Variants in MYRIP observed in about 807,000 individuals in gnomAD.
MYRIP encodes rab effector MyRIP.
Under a neutral mutation model 98.0 loss-of-function variants are expected in MYRIP, and 49 were observed. That is an observed-to-expected ratio of 0.50 (90% confidence interval 0.40 to 0.63). The LOEUF is 0.63. MYRIP is among the 30% of genes least tolerant of loss of function. MYRIP has a pLI of 0.00. For synonymous variants in MYRIP, 404 were observed against 409.5 expected (o/e 0.99, Z 0.16); for missense variants, 1,004 against 1,058.2 (o/e 0.95, Z 0.71).
intron 12 of MYRIP, among the ~76,000 whole-genome samples, chr3:40,235,094 A>G (rs888093260): frequency 1.3e-5 from 2 of 152,070 alleles, no homozygotes; most frequent in African/African-American, 4.8e-5. Context: ...GAAGCCCACT[A>G]TCTGTCTTCT....
At chr3:40,066,435 T>A (rs952837605) in intron 3 of MYRIP, among the ~76,000 whole-genome samples, 2 of 152,184 alleles carry the variant, frequency 1.3e-5, no homozygotes, top group East Asian at 3.9e-4. Context: ...TCCCCACTCC[T>A]GTTCAGAGGG....
At chr3:40,167,821 A>C (rs565126190) in intron 7 of MYRIP, among the ~76,000 whole-genome samples, 1 of 152,278 alleles carries the variant, frequency 6.6e-6, no homozygotes, top group Admixed American at 6.5e-5. Context: ...TTACCGGTTT[A>C]ATATAAAGGG....
chr3:40,089,388 C>T (rs1287936061), intron 3 of MYRIP, among the ~76,000 whole-genome samples: 1 of 152,084 alleles, frequency 6.6e-6, no homozygotes, highest in Non-Finnish European at 1.5e-5. Context: ...CAATTTTGTA[C>T]CTGAAGAAAT....
chr3:39,935,634 A>C (rs1419917889), intron 2 of MYRIP, among the ~76,000 whole-genome samples: 1 of 152,186 alleles, frequency 6.6e-6, no homozygotes, highest in Non-Finnish European at 1.5e-5. Context: ...CAGTAGAAAC[A>C]TCATGAAAAT....
At chr3:40,008,997 G>A (rs1946695869) in intron 2 of MYRIP, among the ~76,000 whole-genome samples, 2 of 152,158 alleles carry the variant, frequency 1.3e-5, no homozygotes, top group Non-Finnish European at 2.9e-5. Context: ...CAGGCCTGAG[G>A]TTGAGGTGAC....
intron 11 of MYRIP, among the ~76,000 whole-genome samples, chr3:40,222,607 CT>C (rs1952369885): frequency 7.1e-6 from 1 of 141,380 alleles, no homozygotes; most frequent in Non-Finnish European, 1.5e-5. Context: ...GCAAACGTGT[CT>C]TCTGAAAGTG....
chr3:39,926,754 G>A (rs1011325949), intron 2 of MYRIP, among the ~76,000 whole-genome samples: 1 of 152,014 alleles, frequency 6.6e-6, no homozygotes, highest in South Asian at 2.1e-4. Context: ...TGTATAGTTC[G>A]AAATTGGGTA....
At chr3:39,944,797 A>C (rs1944861547) in intron 2 of MYRIP, among the ~76,000 whole-genome samples, 1 of 152,150 alleles carries the variant, frequency 6.6e-6, no homozygotes, top group Admixed American at 6.5e-5. Context: ...ACAACTGTAT[A>C]TACAATCGCA....
chr3:40,056,208 G>A (rs113292329), intron 3 of MYRIP, among the ~76,000 whole-genome samples: 1,969 of 152,224 alleles, frequency 0.013, 44 homozygotes, highest in African/African-American at 0.044. Flanking sequence ...GCTAGTTAGG[G>A]CAAGGGGATA....
In MYRIP at chr3:40,018,876, A is replaced by G. The variant is rs200416618; in HGVS notation, c.111-25174A>G. On this transcript the variant is annotated intron_variant, in intron 2 of 16. Transcript: ENST00000302541. ...TCCCAAATAATAATACACCTCACCT[A>G]TCTAACAGCCCATACCAGAAACCCC... 4.6e-5 allele frequency among the ~76,000 whole-genome samples: 7 copies of G among 152,140 alleles called. No homozygotes were observed. The East Asian group carries it at 1.2e-3, about 25-fold the overall frequency.
intron 2 of MYRIP, among the ~76,000 whole-genome samples, chr3:40,024,087 A>C (rs1036420247): frequency 6.6e-6 from 1 of 152,322 alleles, no homozygotes; most frequent in South Asian, 2.1e-4. Context: ...TGTCAAGGAC[A>C]TGTGGAACCT....
At chr3:40,075,994 G>C (rs190008099) in intron 3 of MYRIP, among the ~76,000 whole-genome samples, 1 of 152,114 alleles carries the variant, frequency 6.6e-6, no homozygotes, top group Non-Finnish European at 1.5e-5. Context: ...CCAGGAGTTC[G>C]AGACCAGCCT....
intron 2 of MYRIP, among the ~76,000 whole-genome samples, chr3:39,940,514 A>G (rs1598995): frequency 0.21 from 31,663 of 151,990 alleles, 5,084 homozygotes; most frequent in African/African-American, 0.45. Flanking sequence ...TAATGAGAGT[A>G]TGTTCTTAGC....
chr3:39,810,064 AC>A (rs1940617322), intron 1 of MYRIP, 148 bp downstream of exon 1: 1 of 152,290 alleles, frequency 6.6e-6, no homozygotes, highest in African/African-American at 2.4e-5. Flanking sequence ...GGAGCCAGGA[AC>A]CCTAGGCGCG....
At chr3:39,995,860 G>C (rs1194286279) in intron 2 of MYRIP, among the ~76,000 whole-genome samples, 10 of 152,202 alleles carry the variant, frequency 6.6e-5, no homozygotes, top group Non-Finnish European at 1.3e-4. Flanking sequence ...CTACAAGCCA[G>C]AAGAGAGTGG....
intron 2 of MYRIP, among the ~76,000 whole-genome samples, chr3:40,043,612 G>C (rs1460457189): frequency 5.9e-5 from 9 of 152,080 alleles, no homozygotes; most frequent in Non-Finnish European, 5.9e-5. Flanking sequence ...CAGTTTCCAG[G>C]GATGTTAAAT....
At chr3:40,039,450 T>C (rs1947460539) in intron 2 of MYRIP, among the ~76,000 whole-genome samples, 1 of 152,042 alleles carries the variant, frequency 6.6e-6, no homozygotes, top group Admixed American at 6.6e-5. Flanking sequence ...ATTTCAAGAA[T>C]GTAAGAATAA....
At chr3:40,220,815 G>A (rs764003501) in intron 11 of MYRIP, among the ~76,000 whole-genome samples, 2 of 151,932 alleles carry the variant, frequency 1.3e-5, no homozygotes, top group Non-Finnish European at 2.9e-5. Flanking sequence ...GAGAGTGAGG[G>A]AGGAGGTGCC....
chr3:39,820,158 C>T (rs1354852750), intron 1 of MYRIP, among the ~76,000 whole-genome samples: 1 of 152,172 alleles, frequency 6.6e-6, no homozygotes, highest in Non-Finnish European at 1.5e-5. Context: ...CCCATGACCT[C>T]GGGATCTAAT....
Sources: allele counts gnomAD v4.1 joint callset (sites outside exome capture counted in the v4.1 genomes callset), GRCh38; gene constraint gnomAD v4.1.1; transcripts MANE v1.5; gene names NCBI Gene and HGNC (gene_info 2026-07-23, HGNC 2026-07-21).